ARFGAP2: variants seen among roughly 807,000 people sequenced by gnomAD.
The protein encoded by ARFGAP2 is ARF GTPase activating protein 2, also known as ADP-ribosylation factor GTPase-activating protein 2.
In ARFGAP2, 45 loss-of-function variants were observed where a neutral mutation model predicts 71.9. The observed-to-expected ratio is 0.63, with a 90% CI of 0.49 to 0.80. The LOEUF is 0.80. ARFGAP2 is among the 30% of genes least tolerant of loss of function. The pLI, the probability that ARFGAP2 is intolerant of heterozygous loss-of-function variation, is 0.00. For missense variants in ARFGAP2, 633 were observed against 673.9 expected (o/e 0.94, Z 0.67); for synonymous variants, 248 against 249.2 (o/e 1.00, Z 0.05).
Position 47,171,445 on chromosome 11 carries a change from T to C in ARFGAP2, c.922A>G (p.Met308Val), listed in dbSNP as rs1554968348. The C allele has an allele frequency of 1.3e-5, 21 of 1,614,252 alleles. No individual in the cohort carries two copies. The South Asian group carries it at 2.1e-4, about 16-fold the overall frequency. ...CCTCACCTTCGGGATACCAAGCCCA[T>C]GCCCAACCTTTCTGCCTGCTCTCGC... ...KKREQAERLG[M>V]GLVSRSSVSH... Residue 308 changes from methionine (M) to valine (V), a missense_variant, in exon 10 of 16, where the codon ATG (methionine) becomes GTG (valine). Coordinates refer to ENST00000524782, the MANE Select transcript of ARFGAP2 (RefSeq NM_032389.6).
intron 7 of ARFGAP2, among the ~76,000 whole-genome samples, 189 bp from the exon 8 acceptor site, chr11:47,172,522 G>A (rs766809812): frequency 5.3e-5 from 8 of 152,290 alleles, no homozygotes; most frequent in Non-Finnish European, 1.0e-4. Context: ...GTATTTACTG[G>A]CACCCAGCAG....
In ARFGAP2 at chr11:47,164,486, G is replaced by A. The variant is rs1034892225; in HGVS notation, c.*996C>T. The A allele has an allele frequency of 5.5e-6, 2 of 366,844 alleles. No homozygotes were observed. The highest frequency in any genetic ancestry group is 4.2e-5 in the South Asian group (1 of 23,680). 22.7% of individuals were successfully genotyped at this position (366,844 alleles called of 1,614,324 possible). A position where few individuals can be genotyped will look rare whatever the true frequency, so the allele number is the denominator to read the frequency against. On this transcript the variant is annotated 3_prime_UTR_variant, in exon 16 of 16. Coordinates refer to ENST00000524782, the MANE Select transcript of ARFGAP2 (RefSeq NM_032389.6). ...TGGGGGCTGGGCTGAGACTGCCGGT[G>A]CGGCAGGGGAAGATGGCACCAAGAA...
chr11:47,166,715 C>T (rs1443695470), intron 13 of ARFGAP2, 45 bp downstream of exon 13: 2 of 1,604,158 alleles, frequency 1.2e-6, no homozygotes. Flanking sequence ...AAAGCTCATG[C>T]TTCTGCCTGC....
At chr11:47,172,256 T>C (rs1461655762) in intron 8 of ARFGAP2, 25 bp downstream of exon 8, 1 of 1,613,018 alleles carries the variant, frequency 6.2e-7, no homozygotes, top group Non-Finnish European at 8.5e-7. Context: ...CTAACCCCTC[T>C]ACCATACCAC....
Position 47,167,914 on chromosome 11 carries a change from T to C in ARFGAP2, c.1200A>G (p.Ser400=), listed in dbSNP as rs1952449258. 6.2e-7 allele frequency: 1 copy of C among 1,606,776 alleles called. No homozygotes were observed. The highest frequency in any genetic ancestry group is 8.5e-7 in the Non-Finnish European group (1 of 1,177,114). Residue 400 remains serine (S), a synonymous_variant, in exon 12 of 16, where the codon TCA becomes TCG. Coordinates refer to ENST00000524782, the MANE Select transcript of ARFGAP2 (RefSeq NM_032389.6). ...GAAAAAACAGCCCACTCTACCTTTC[T>C]GAAATAGGCCGGATGCTTGAGATGG... ...EVTISSIRPI[S]ERATNRREVE...
Position 47,171,706 on chromosome 11 carries a change from T to C in ARFGAP2, c.767A>G (p.Glu256Gly). The C allele has an allele frequency of 6.2e-7, 1 of 1,613,854 alleles. No individual in the cohort carries two copies. Among genetic ancestry groups the C allele is most frequent in the Non-Finnish European group, 8.5e-7 (1 of 1,180,042 alleles). The change falls in exon 9 of 16, where the codon GAG becomes GGG. Residue 256 changes from glutamate (E) to glycine (G), a missense_variant. By Grantham distance (98) the Glu-to-Gly change is moderately conservative. Transcript: ENST00000524782. ...RQAQVAEKLR[E>G]QQAADAKKQA... ...CTTCTTGGCATCGGCTGCCTGCTGCTCACGGAGCTTCTCTGCCACCTGAGC... is the reference window on the plus strand; with the variant it reads ...CTTCTTGGCATCGGCTGCCTGCTGCCCACGGAGCTTCTCTGCCACCTGAGC...
chr11:47,166,360 G>A lies in ARFGAP2; in HGVS notation c.1453C>T (p.Pro485Ser). 1 of 1,614,232 alleles carries A rather than the reference G, an allele frequency of 6.2e-7. No homozygotes were observed. Among genetic ancestry groups the A allele is most frequent in the Non-Finnish European group, 8.5e-7 (1 of 1,180,042 alleles). Reference protein sequence around the residue: ...AGSVSLGNVLPTADIAQFKQG... With the variant: ...AGSVSLGNVLSTADIAQFKQG... Reference sequence around the variant, plus strand: ...TTAAACTGGGCAATGTCCGCTGTAGGCAGCACGTTCCCCAGAGATACACTT... The same window carrying A: ...TTAAACTGGGCAATGTCCGCTGTAGACAGCACGTTCCCCAGAGATACACTT... The change falls in exon 15 of 16, where the codon CCT becomes TCT. Residue 485 changes from proline to serine, a missense_variant. Pro to Ser is a moderately conservative substitution (Grantham distance 74). Coordinates refer to ENST00000524782, the MANE Select transcript of ARFGAP2 (RefSeq NM_032389.6).
At chr11:47,166,217 G>A (rs1223097050) in intron 15 of ARFGAP2, 51 bp downstream of exon 15, 14 of 1,578,670 alleles carry the variant, frequency 8.9e-6, no homozygotes, top group African/African-American at 1.3e-5. Flanking sequence ...CTATGTGGTG[G>A]CGAAGGGCAA....
intron 10 of ARFGAP2, among the ~76,000 whole-genome samples, chr11:47,170,271 C>G (rs1298899443): frequency 7.1e-6 from 1 of 141,714 alleles, no homozygotes; most frequent in Non-Finnish European, 1.5e-5. Flanking sequence ...CTGCAGTGGG[C>G]TGAGATCACA....
intron 5 of ARFGAP2, 147 bp from the exon 6 acceptor site, chr11:47,173,987 G>C: frequency 7.0e-7 from 1 of 1,435,632 alleles, no homozygotes; most frequent in African/African-American, 1.4e-5. Context: ...GATCACAGTT[G>C]CTATTCACTG....
At chr11:47,166,177 G>T in intron 15 of ARFGAP2, 91 bp downstream of exon 15, 2 of 1,348,422 alleles carry the variant, frequency 1.5e-6, no homozygotes, top group Non-Finnish European at 2.1e-6. Context: ...TGCTCTTAAG[G>T]CTCAGAGGGG....
At chr11:47,166,470 C>A in intron 14 of ARFGAP2, 36 bp downstream of exon 14, 1 of 1,612,314 alleles carries the variant, frequency 6.2e-7, no homozygotes, top group Admixed American at 1.7e-5. Context: ...TGCTCCCAGG[C>A]CTCACTTGGT....
In ARFGAP2 at chr11:47,175,294, T is replaced by C. The variant is rs772306510; in HGVS notation, c.284A>G (p.His95Arg). Reference sequence around the variant, plus strand: ...GTTGGCATCATTGGCTGTGCATCCATGTTGGCGAAAAAAAGCCGTCTGGAG... The same window carrying C: ...GTTGGCATCATTGGCTGTGCATCCACGTTGGCGAAAAAAAGCCGTCTGGAG... ...NANATAFFRQ[H>R]GCTANDANTK... is the part of the protein sequence containing the mutation. Residue 95 changes from histidine to arginine, a missense_variant, in exon 4 of 16, where the codon CAT (histidine) becomes CGT (arginine). Coordinates refer to ENST00000524782, the MANE Select transcript of ARFGAP2 (RefSeq NM_032389.6). 8.1e-6 allele frequency: 13 copies of C among 1,613,934 alleles called. No homozygotes were observed. Among genetic ancestry groups the C allele is most frequent in the Non-Finnish European group, 6.8e-6 (8 of 1,179,992 alleles).
At position 47,175,268 on chromosome 11, in the gene ARFGAP2, T is replaced by C. The variant is rs746489313; in HGVS notation, c.310A>G (p.Thr104Ala). 1.9e-6 allele frequency: 3 copies of C among 1,614,030 alleles called. No homozygotes were observed. The highest frequency in any genetic ancestry group is 2.5e-6 in the Non-Finnish European group (3 of 1,180,004). The part of the protein sequence containing the change: ...QHGCTANDAN[T>A]KYNSRAAQMY... ...TGGGCAGCTCGGCTATTATATTTGGTGTTGGCATCATTGGCTGTGCATCCA... is the reference window on the plus strand; with the variant it reads ...TGGGCAGCTCGGCTATTATATTTGGCGTTGGCATCATTGGCTGTGCATCCA... Residue 104 changes from threonine to alanine, a missense_variant, in exon 4 of 16, where the codon ACC becomes GCC. Physicochemically the swap from Thr to Ala is moderately conservative, Grantham distance 58. Coordinates refer to ENST00000524782, the MANE Select transcript of ARFGAP2 (RefSeq NM_032389.6).
At position 47,168,125 on chromosome 11, in the gene ARFGAP2, T is replaced by G. The variant is rs902867332; in HGVS notation, c.1068A>C (p.Pro356=). ...TTACAGCTAGAAAACAGCCTTACTT[T>G]GGGGGTCCAGAGGCGAAAGTACCAA... is the stretch of plus-strand genomic sequence containing the variant. ...DDVGTFASGP[P]KYKDNPFSLG... is the part of the protein sequence containing the mutation. Residue 356 remains proline (P), a splice_region_variant and synonymous_variant, in exon 11 of 16, where the codon CCA becomes CCC. Transcript: ENST00000524782. The G allele has an allele frequency of 6.2e-6, 10 of 1,614,060 alleles. No individual in the cohort carries two copies. Among genetic ancestry groups the G allele is most frequent in the South Asian group, 2.2e-5 (2 of 91,092 alleles).
rs774797300 is a variant in ARFGAP2, at chr11:47,166,307, T to G, written c.1506A>C (p.Lys502Asn). 2.5e-6 allele frequency: 4 copies of G among 1,614,182 alleles called. No individual in the cohort carries two copies. The highest frequency in any genetic ancestry group is 3.4e-6 in the Non-Finnish European group (4 of 1,180,032). Residue 502 changes from lysine to asparagine, a missense_variant, in exon 15 of 16, where the codon AAA becomes AAC. Lys to Asn is a moderately conservative substitution (Grantham distance 94). Coordinates refer to ENST00000524782, the MANE Select transcript of ARFGAP2 (RefSeq NM_032389.6). ...TCACACCATTGGCCAGCACAGCCAT[T>G]TTCCCAGCCACAGACTTGACACCCT... ...FKQGVKSVAGKMAVLANGVMN... is the reference protein window; with the variant it reads ...FKQGVKSVAGNMAVLANGVMN...
chr11:47,174,703 C>T, intron 5 of ARFGAP2: 1 of 313,496 alleles, frequency 3.2e-6, no homozygotes, highest in South Asian at 3.3e-5. Flanking sequence ...CCCACAGTGC[C>T]TTTCTTATAG....
In ARFGAP2 at chr11:47,173,730, C is replaced by A. The variant is rs761308834; in HGVS notation, c.562+29G>T. 5 of 1,573,726 alleles carry A rather than the reference C, an allele frequency of 3.2e-6. No individual in the cohort carries two copies. The East Asian group carries it at 1.2e-4, about 37-fold the overall frequency. On this transcript the variant is annotated intron_variant, in intron 6 of 15. Coordinates refer to ENST00000524782, the MANE Select transcript of ARFGAP2 (RefSeq NM_032389.6). ...CCTGAGTCCTCTCCTAGGACCAGGG[C>A]ACCTGGTTGGAATCTGGGCTGAACT...
In ARFGAP2 at chr11:47,164,464, G is replaced by A; in HGVS notation, c.*1018C>T. On this transcript the variant is annotated 3_prime_UTR_variant, in exon 16 of 16. Transcript: ENST00000524782. ...AGCCCAACCTACAACCCAAAGGTGG[G>A]GGCTGGGCTGAGACTGCCGGTGCGG... 1 of 460,912 alleles carries A rather than the reference G, an allele frequency of 2.2e-6. No individual in the cohort carries two copies. Among genetic ancestry groups the A allele is most frequent in the South Asian group, 3.3e-5 (1 of 30,228 alleles). 28.6% of individuals were successfully genotyped at this position (460,912 alleles called of 1,614,324 possible).
Sources: gnomAD v4.1 joint callset for allele counts (sites outside exome capture counted in the v4.1 genomes callset) on GRCh38, gnomAD v4.1.1 for gene constraint, MANE v1.5 for transcripts, NCBI Gene and HGNC (gene_info 2026-07-23, HGNC 2026-07-21) for gene names.